Variants in LDB2 observed in about 807,000 individuals in gnomAD.
The protein encoded by LDB2 is LIM domain-binding protein 2.
Under a neutral mutation model 44.3 loss-of-function variants are expected in LDB2, and 12 were observed. The observed-to-expected ratio is 0.27, with a 90% CI of 0.17 to 0.44. The LOEUF is 0.44. Ranked by LOEUF, LDB2 falls within the 20% of genes least tolerant of loss-of-function variation. LDB2 has a pLI of 1.00. For missense variants in LDB2, 344 were observed against 473.5 expected, an observed-to-expected ratio of 0.73 and a Z score of 2.54; for synonymous variants, 164 against 174.8, an observed-to-expected ratio of 0.94 and a Z score of 0.49.
intron 2 of LDB2, among the ~76,000 whole-genome samples, chr4:16,737,741 AAC>A (rs962878343): frequency 1.3e-5 from 2 of 152,234 alleles, no homozygotes; most frequent in African/African-American, 4.8e-5. Flanking sequence ...AAACTTGGAA[AAC>A]AAAGAAAAAT....
intron 2 of LDB2, among the ~76,000 whole-genome samples, chr4:16,700,812 C>A (rs1753268281): frequency 1.3e-5 from 2 of 152,140 alleles, no homozygotes; most frequent in South Asian, 4.1e-4. Flanking sequence ...GTAATGACTT[C>A]ATAAAAAAGT....
At chr4:16,756,644 T>C (rs575240463) in intron 2 of LDB2, among the ~76,000 whole-genome samples, 1 of 152,308 alleles carries the variant, frequency 6.6e-6, no homozygotes, top group East Asian at 1.9e-4. Context: ...TATTCCTTCA[T>C]TCAACAAATA....
chr4:16,750,639 A>G, intron 2 of LDB2, among the ~76,000 whole-genome samples: 1 of 152,200 alleles, frequency 6.6e-6, no homozygotes, highest in African/African-American at 2.4e-5. Context: ...AAGATTTCAC[A>G]TTTGAACATG....
At chr4:16,787,364 G>C (rs1406502740) in intron 1 of LDB2, among the ~76,000 whole-genome samples, 1 of 152,138 alleles carries the variant, frequency 6.6e-6, no homozygotes, top group African/African-American at 2.4e-5. Flanking sequence ...TGTAATCCCA[G>C]CATTTTGGGA....
chr4:16,764,212 G>C (rs1768651750), intron 1 of LDB2, among the ~76,000 whole-genome samples: 1 of 152,126 alleles, frequency 6.6e-6, no homozygotes, highest in Non-Finnish European at 1.5e-5. Flanking sequence ...GCATTGACTA[G>C]AGGAAATTTC....
At chr4:16,618,395 C>T (rs1192281758) in intron 2 of LDB2, among the ~76,000 whole-genome samples, 3 of 152,142 alleles carry the variant, frequency 2.0e-5, no homozygotes, top group African/African-American at 4.8e-5. Context: ...CTGCCTTGTT[C>T]GCATTCATGC....
At chr4:16,849,947 T>C (rs944678880) in intron 1 of LDB2, among the ~76,000 whole-genome samples, 12 of 152,302 alleles carry the variant, frequency 7.9e-5, no homozygotes, top group Admixed American at 3.9e-4. Flanking sequence ...CTGTGAAAAG[T>C]AGGCATACTT....
intron 4 of LDB2, 33 bp downstream of exon 4, chr4:16,588,677 A>G (rs1206748655): frequency 1.2e-6 from 2 of 1,606,814 alleles, no homozygotes; most frequent in South Asian, 1.1e-5. Context: ...GAAAAAAAAG[A>G]AAAGAAAGCA....
At chr4:16,708,188 T>C (rs151231226) in intron 2 of LDB2, among the ~76,000 whole-genome samples, 19 of 152,182 alleles carry the variant, frequency 1.2e-4, no homozygotes, top group Non-Finnish European at 2.2e-4. Context: ...TTATACAAAA[T>C]GGTCAGCCCA....
At chr4:16,632,859 C>T (rs541778544) in intron 2 of LDB2, among the ~76,000 whole-genome samples, 1 of 152,142 alleles carries the variant, frequency 6.6e-6, no homozygotes, top group African/African-American at 2.4e-5. Context: ...TTAGTTCGAC[C>T]ATTGTGGAAG....
intron 5 of LDB2, among the ~76,000 whole-genome samples, chr4:16,560,036 A>G (rs2152376309): frequency 6.6e-6 from 1 of 152,358 alleles, no homozygotes; most frequent in Non-Finnish European, 1.5e-5. Flanking sequence ...AAGACACAAC[A>G]TACCAGAATC....
intron 1 of LDB2, among the ~76,000 whole-genome samples, chr4:16,826,181 A>C (rs1346569493): frequency 6.6e-6 from 1 of 152,026 alleles, no homozygotes; most frequent in Non-Finnish European, 1.5e-5. Context: ...AGATAGATAG[A>C]TTAGATAGAT....
intron 2 of LDB2, among the ~76,000 whole-genome samples, chr4:16,750,683 A>G (rs1472264197): frequency 9.9e-5 from 15 of 152,228 alleles, no homozygotes; most frequent in Non-Finnish European, 1.9e-4. Context: ...TGCCATATTT[A>G]ACAAAGAAAA....
At chr4:16,550,370 C>A (rs1737242939) in intron 5 of LDB2, among the ~76,000 whole-genome samples, 1 of 152,094 alleles carries the variant, frequency 6.6e-6, no homozygotes, top group Non-Finnish European at 1.5e-5. Flanking sequence ...TCCTGGGTAG[C>A]CAAGAGTAGG....
chr4:16,568,782 A>G (rs1167592809), intron 5 of LDB2, among the ~76,000 whole-genome samples: 1 of 152,216 alleles, frequency 6.6e-6, no homozygotes, highest in Non-Finnish European at 1.5e-5. Context: ...AAATCCACAT[A>G]TAGGTGGACC....
intron 2 of LDB2, among the ~76,000 whole-genome samples, chr4:16,729,739 G>T (rs904531364): frequency 2.6e-5 from 4 of 152,132 alleles, no homozygotes; most frequent in African/African-American, 9.7e-5. Flanking sequence ...TTTAAAAGTG[G>T]TTATCATTTC....
chr4:16,839,898 T>C (rs1785545952), intron 1 of LDB2, among the ~76,000 whole-genome samples: 1 of 152,154 alleles, frequency 6.6e-6, no homozygotes, highest in Non-Finnish European at 1.5e-5. Context: ...CTATGAATAA[T>C]ATGTACACAC....
chr4:16,765,715 C>A (rs1284413982), intron 1 of LDB2, among the ~76,000 whole-genome samples: 3 of 152,216 alleles, frequency 2.0e-5, no homozygotes, highest in Non-Finnish European at 4.4e-5. Flanking sequence ...ATCTTAAAAT[C>A]TAACCTCAGT....
chr4:16,709,898 G>C (rs370875123), intron 2 of LDB2, among the ~76,000 whole-genome samples: 2 of 152,022 alleles, frequency 1.3e-5, no homozygotes, highest in Non-Finnish European at 2.9e-5. Flanking sequence ...CCAATTTTAC[G>C]CATCCATACA....
Sources: allele counts gnomAD v4.1 joint callset (sites outside exome capture counted in the v4.1 genomes callset), GRCh38; gene constraint gnomAD v4.1.1; transcripts MANE v1.5; gene names NCBI Gene and HGNC (gene_info 2026-07-23, HGNC 2026-07-21).